The following ODAPH variants were observed in gnomAD, a reference collection of about 807,000 sequenced individuals.
ODAPH encodes the protein amelogenesis imperfecta type IIA4.
In ODAPH, 2 loss-of-function variants were observed where a neutral mutation model predicts 2.8. That is an observed-to-expected ratio of 0.72 (90% CI 0.30 to 2.28). ODAPH has a LOEUF of 2.28. ODAPH is among the 30% of genes most tolerant of loss of function. ODAPH has a pLI of 0.13. For missense variants in ODAPH, 159 were observed against 163.3 expected (o/e 0.97, Z 0.14); for synonymous variants, 75 against 60.3 (o/e 1.24, Z -1.13).
intron 1 of ODAPH, among the ~76,000 whole-genome samples, chr4:75,558,550 A>T (rs1336769033): frequency 2.6e-5 from 4 of 151,104 alleles, no homozygotes; most frequent in Non-Finnish European, 4.4e-5. Flanking sequence ...ACCTTTTTTT[A>T]AAAAAGTACT....
At chr4:75,556,199 T>C in intron 1 of ODAPH, 50 bp downstream of exon 1, 1 of 1,556,022 alleles carries the variant, frequency 6.4e-7, no homozygotes, top group Non-Finnish European at 8.9e-7. Context: ...TAATAAGTTG[T>C]AGGAAAAGAC....
rs370018477 is a variant in ODAPH at position 75,556,089 on chromosome 4, C to T, written c.7C>T (p.Arg3Cys). 4.1e-5 allele frequency: 66 copies of T among 1,613,940 alleles called. No homozygotes were observed. Among genetic ancestry groups the T allele is most frequent in the Admixed American group, 1.7e-4 (10 of 60,002 alleles). The change falls in exon 1 of 2, where the codon CGC (arginine) becomes TGC (cysteine). Residue 3 changes from arginine to cysteine, a missense_variant. Coordinates refer to ENST00000311623, the MANE Select transcript of ODAPH (RefSeq NM_178497.5). MA[R>C]RHCFSYWLLV... ...TGACTGCTCAGTAGAAGCCATGGCT[C>T]GCAGACACTGCTTCTCCTACTGGTT...
intron 1 of ODAPH, among the ~76,000 whole-genome samples, chr4:75,562,767 C>G (rs1727633122): frequency 6.6e-6 from 1 of 152,084 alleles, no homozygotes; most frequent in Non-Finnish European, 1.5e-5. Flanking sequence ...AAGACTATGA[C>G]ACTTGGGTTT....
At position 75,564,543 on chromosome 4, in the gene ODAPH, AT is replaced by A. The variant is rs751319059; in HGVS notation, c.*107del. 2 of 1,597,004 alleles carry A rather than the reference AT, an allele frequency of 1.3e-6. No homozygotes were observed. The highest frequency in any genetic ancestry group is 2.2e-5 in the South Asian group (2 of 89,926). On this transcript the variant is annotated 3_prime_UTR_variant, in exon 2 of 2. Coordinates refer to ENST00000311623, the MANE Select transcript of ODAPH (RefSeq NM_178497.5). Reference sequence around the variant, plus strand: ...TATCTTTCGAAACTAAAACTATTGGATTTGAAGATTAAGTATCCTAAACATC... The same window carrying A: ...TATCTTTCGAAACTAAAACTATTGGATTGAAGATTAAGTATCCTAAACATC...
chr4:75,558,639 T>A (rs1727441318), intron 1 of ODAPH, among the ~76,000 whole-genome samples: 1 of 152,206 alleles, frequency 6.6e-6, no homozygotes, highest in Admixed American at 6.5e-5. Context: ...GATATTCAAA[T>A]TCCAAGCAAT....
chr4:75,564,144 A>T lies in ODAPH; in HGVS notation c.98A>T (p.Asp33Val). The T allele has an allele frequency of 6.2e-7, 1 of 1,613,970 alleles. No individual in the cohort carries two copies. Among genetic ancestry groups the T allele is most frequent in the Non-Finnish European group, 8.5e-7 (1 of 1,180,016 alleles). Residue 33 changes from aspartate (D) to valine (V), a missense_variant, in exon 2 of 2, where the codon GAT becomes GTT. Asp to Val is a radical substitution (Grantham distance 152). Coordinates refer to ENST00000311623, the MANE Select transcript of ODAPH (RefSeq NM_178497.5). ...GAAGAGGTATTTACGCCTCCTGGAG[A>T]TTCACAAAATAATGCGGACGCTACC... is the stretch of plus-strand genomic sequence containing the variant. ...GQEEVFTPPG[D>V]SQNNADATDC...
At chr4:75,559,929 G>C (rs1042878070) in intron 1 of ODAPH, among the ~76,000 whole-genome samples, 1 of 152,128 alleles carries the variant, frequency 6.6e-6, no homozygotes, top group African/African-American at 2.4e-5. Context: ...GGACTCACAG[G>C]GTGCTAAGAA....
chr4:75,565,704 T>C (rs1727786896), downstream of ODAPH: 4 of 152,014 alleles, frequency 2.6e-5, no homozygotes, highest in Non-Finnish European at 5.9e-5. Flanking sequence ...GTTTGCACTT[T>C]TTCCTCCCAA....
At position 75,564,001 on chromosome 4, in the gene ODAPH, A is replaced by G. The variant is rs1027466384; in HGVS notation, c.68-113A>G. 1.7e-5 allele frequency: 16 copies of G among 933,764 alleles called. No homozygotes were observed. The Admixed American group carries it at 2.1e-4, about 12-fold the overall frequency. 57.8% of individuals were successfully genotyped at this position (933,764 alleles called of 1,614,324 possible). A position where few individuals can be genotyped will look rare whatever the true frequency, so the allele number is the denominator to read the frequency against. ...ACGTTGGCAGTTCTTTCAAATATAC[A>G]TTGAGATTTCTCTAATTCTCTCTTC... On this transcript the variant is annotated intron_variant, in intron 1 of 1. Coordinates refer to ENST00000311623, the MANE Select transcript of ODAPH (RefSeq NM_178497.5).
At chr4:75,560,586 T>C (rs1345047258) in intron 1 of ODAPH, among the ~76,000 whole-genome samples, 22 of 152,188 alleles carry the variant, frequency 1.4e-4, no homozygotes, top group African/African-American at 2.4e-5. Context: ...TCTAGTTTGT[T>C]TGGAAGAATG....
intron 1 of ODAPH, among the ~76,000 whole-genome samples, chr4:75,562,670 T>G (rs1165625943): frequency 6.6e-6 from 1 of 152,150 alleles, no homozygotes; most frequent in African/African-American, 2.4e-5. Flanking sequence ...AGGCTGTATA[T>G]GTAAGCCTCT....
At position 75,558,236 on chromosome 4, in the gene ODAPH, A is replaced by G. The variant is rs545482109; in HGVS notation, c.67+2087A>G. ...GATACTTTCTGGGCTCTGATATTTT[A>G]TCTGTGAAATTAGAGATTTGACCAA... On this transcript the variant is annotated intron_variant, in intron 1 of 1. Coordinates refer to ENST00000311623, the MANE Select transcript of ODAPH (RefSeq NM_178497.5). Among the ~76,000 whole-genome samples, 38 of 152,302 alleles carry G rather than the reference A, an allele frequency of 2.5e-4. 1 individual carries two copies. Among genetic ancestry groups the G allele is most frequent in the Admixed American group, 2.3e-3 (35 of 15,300 alleles).
chr4:75,557,496 A>T (rs62318657), intron 1 of ODAPH, among the ~76,000 whole-genome samples: 31,675 of 151,878 alleles, frequency 0.21, 3,443 homozygotes, highest in Middle Eastern at 0.38. Context: ...AAAATTAGCC[A>T]GGTGTGGTGG....
At chr4:75,565,878 G>GA (rs911016085), downstream of ODAPH, 1 of 151,780 alleles carries the variant, frequency 6.6e-6, no homozygotes, top group African/African-American at 2.4e-5. Context: ...GATCAAAAAA[G>GA]AAAAAAACTA....
At chr4:75,556,425 T>C (rs1727341494) in intron 1 of ODAPH, 3 of 826,286 alleles carry the variant, frequency 3.6e-6, no homozygotes, top group South Asian at 3.1e-5. Context: ...TCCATCGTTA[T>C]GGGGTTTGCA....
At chr4:75,557,771 G>C (rs17214448) in intron 1 of ODAPH, among the ~76,000 whole-genome samples, 1 of 151,968 alleles carries the variant, frequency 6.6e-6, no homozygotes. Flanking sequence ...TTCATCGCTC[G>C]TTCACACACA....
chr4:75,562,991 T>A (rs2148844894), intron 1 of ODAPH, among the ~76,000 whole-genome samples: 1 of 141,758 alleles, frequency 7.1e-6, no homozygotes, highest in African/African-American at 2.5e-5. Context: ...TTACATGCAA[T>A]AAAATCCACA....
At chr4:75,559,308 CATT>C (rs1727470474) in intron 1 of ODAPH, among the ~76,000 whole-genome samples, 1 of 152,194 alleles carries the variant, frequency 6.6e-6, no homozygotes, top group Admixed American at 6.5e-5. Flanking sequence ...GTTTCCATAA[CATT>C]CAAGATTAAT....
At position 75,564,276 on chromosome 4, in the gene ODAPH, G is replaced by T; in HGVS notation, c.230G>T (p.Arg77Leu). 1.2e-6 allele frequency: 2 copies of T among 1,614,068 alleles called. No individual in the cohort carries two copies. The highest frequency in any genetic ancestry group is 1.7e-6 in the Non-Finnish European group (2 of 1,180,020). The change falls in exon 2 of 2, where the codon CGA becomes CTA. Residue 77 changes from arginine to leucine, a missense_variant. Physicochemically the swap from Arg to Leu is moderately radical, Grantham distance 102. Coordinates refer to ENST00000311623, the MANE Select transcript of ODAPH (RefSeq NM_178497.5). ...AGGTGTCCCTTCCATTTTTTTCCAC[G>T]AAGGCCCAGAATCCATTTTAGGTTT... ...TPRCPFHFFP[R>L]RPRIHFRFPN... is the part of the protein sequence containing the mutation.
Sources: allele counts gnomAD v4.1 joint callset (sites outside exome capture counted in the v4.1 genomes callset), GRCh38; gene constraint gnomAD v4.1.1; transcripts MANE v1.5; gene names NCBI Gene and HGNC (gene_info 2026-07-23, HGNC 2026-07-21).